ABCA13: variants seen among roughly 807,000 people sequenced by gnomAD.
ABCA13 encodes ATP-binding cassette sub-family A member 13.
A neutral mutation model predicts 478.7 loss-of-function variants in ABCA13; 476 were observed. The observed-to-expected ratio is 0.99, with a 90% CI of 0.92 to 1.07. The LOEUF (loss-of-function observed/expected upper bound fraction) is 1.07. Ranked by LOEUF, ABCA13 falls within the 50% of genes least tolerant of loss-of-function variation. The pLI, the probability that ABCA13 is intolerant of heterozygous loss-of-function variation, is 0.00. For missense variants in ABCA13, 6,060 were observed against 5,910.6 expected (o/e 1.03, Z -0.83); for synonymous variants, 2,252 against 2,158.9 (o/e 1.04, Z -1.20).
intron 23 of ABCA13, among the ~76,000 whole-genome samples, chr7:48,302,503 C>T (rs190882005): frequency 0.011 from 1,623 of 152,212 alleles, 32 homozygotes; most frequent in Non-Finnish European, 9.8e-3. Context: ...TTCCAACCTC[C>T]ACCCTCAAAT....
At chr7:48,302,329 C>T (rs960728680) in intron 23 of ABCA13, among the ~76,000 whole-genome samples, 1 of 152,092 alleles carries the variant, frequency 6.6e-6, no homozygotes, top group Non-Finnish European at 1.5e-5. Flanking sequence ...AATATTTTTT[C>T]CTTTTTATTT....
chr7:48,319,743 G>C (rs1050329619), intron 27 of ABCA13, among the ~76,000 whole-genome samples: 2 of 152,154 alleles, frequency 1.3e-5, no homozygotes, highest in African/African-American at 4.8e-5. Flanking sequence ...TGGAAGGCTG[G>C]ATTTTGGTCC....
rs115124215 is a variant in ABCA13 at position 48,412,378 on chromosome 7, T to C, written c.12254T>C (p.Leu4085Pro). 1,436 of 1,613,448 alleles carry C rather than the reference T, an allele frequency of 8.9e-4. 12 individuals are homozygous for C. In the African/African-American group the frequency reaches 0.016, roughly 18 times the overall value. Residue 4085 changes from leucine (L) to proline (P), a missense_variant, in exon 41 of 62, where the codon CTG (leucine) becomes CCG (proline). Around this residue, in one of 3 missense-constraint regions of ABCA13, gnomAD observed 1,627 missense variants for 1,571.0 expected, o/e 1.04. Transcript: ENST00000435803. ...CCTTCTGTTCTGGAGGCCCATGATC[T>C]GAAAGACATGGCTTGTGTTACATCC... Reference protein sequence around the residue: ...RQPSVLEAHDLKDMACVTSLI... With the variant: ...RQPSVLEAHDPKDMACVTSLI...
chr7:48,407,391 A>T (rs1024023219), intron 39 of ABCA13, among the ~76,000 whole-genome samples: 4 of 151,196 alleles, frequency 2.6e-5, no homozygotes, highest in Admixed American at 2.6e-4. Flanking sequence ...CATGAGAATC[A>T]CTTGAACCCA....
At chr7:48,592,703 T>C (rs777991957) in intron 57 of ABCA13, among the ~76,000 whole-genome samples, 1 of 151,996 alleles carries the variant, frequency 6.6e-6, no homozygotes, top group Non-Finnish European at 1.5e-5. Context: ...ATTGTACTTA[T>C]GTCTTTTACT....
chr7:48,626,718 C>A (rs1793702207), intron 59 of ABCA13: 1 of 985,416 alleles, frequency 1.0e-6, no homozygotes, highest in Non-Finnish European at 1.2e-6. Context: ...CTGATCTGAG[C>A]TTGAGAAAAG....
chr7:48,396,845 G>A (rs1181603561), intron 38 of ABCA13, among the ~76,000 whole-genome samples: 2 of 152,182 alleles, frequency 1.3e-5, no homozygotes, highest in Non-Finnish European at 2.9e-5. Context: ...GGTGCATTGT[G>A]GAACCTGCCT....
chr7:48,518,370 A>G (rs1270323938), intron 52 of ABCA13, among the ~76,000 whole-genome samples: 1 of 152,220 alleles, frequency 6.6e-6, no homozygotes, highest in African/African-American at 2.4e-5. Flanking sequence ...GTGGAGTCAC[A>G]GAAGTGAGAT....
intron 47 of ABCA13, among the ~76,000 whole-genome samples, 179 bp from the exon 48 acceptor site, chr7:48,489,057 A>T (rs1829603930): frequency 6.6e-6 from 1 of 152,214 alleles, no homozygotes; most frequent in Non-Finnish European, 1.5e-5. Flanking sequence ...GATAAATATA[A>T]AATTAGCAGA....
At chr7:48,234,665 AC>A (rs900658028) in intron 8 of ABCA13, among the ~76,000 whole-genome samples, 29 of 152,166 alleles carry the variant, frequency 1.9e-4, no homozygotes, top group African/African-American at 6.8e-4. Context: ...GATCCCCAAG[AC>A]CCAGTTCACT....
intron 42 of ABCA13, among the ~76,000 whole-genome samples, chr7:48,451,088 C>A (rs2129183808): frequency 6.6e-6 from 1 of 151,190 alleles, no homozygotes; most frequent in Non-Finnish European, 1.5e-5. Context: ...ACCTCCGCCT[C>A]CCTGTTTCAA....
chr7:48,394,649 G>A (rs551482149), intron 38 of ABCA13, among the ~76,000 whole-genome samples: 1 of 152,040 alleles, frequency 6.6e-6, no homozygotes, highest in Non-Finnish European at 1.5e-5. Flanking sequence ...AGTATAATAA[G>A]CATTCTTTGA....
intron 3 of ABCA13, among the ~76,000 whole-genome samples, chr7:48,210,825 T>C (rs1212441450): frequency 6.6e-6 from 1 of 152,180 alleles, no homozygotes; most frequent in East Asian, 1.9e-4. Flanking sequence ...AGCTGTTGGA[T>C]GGAATGTTCT....
intron 43 of ABCA13, among the ~76,000 whole-genome samples, chr7:48,461,236 A>G (rs536011400): frequency 1.2e-4 from 18 of 152,318 alleles, no homozygotes; most frequent in Admixed American, 9.1e-4. Context: ...TTCTGGCAGA[A>G]TAACATACAA....
Position 48,466,968 on chromosome 7 carries a change from C to T in ABCA13, c.12828C>T (p.Asp4276=), listed in dbSNP as rs377490731. ...AETYFFSSGG[D]NLDLTRVLLR... ...CAATGAACAGCAGCAGTGGGGGCGA[C>T]AACTTGGACCTCACCCGTGTGCTTC... is the stretch of plus-strand genomic sequence containing the variant. Residue 4276 remains aspartate (D), a synonymous_variant, in exon 44 of 62, where the codon GAC becomes GAT. Coordinates refer to ENST00000435803, the MANE Select transcript of ABCA13 (RefSeq NM_152701.5). 7.4e-6 allele frequency: 12 copies of T among 1,613,816 alleles called. No individual in the cohort carries two copies. The highest frequency in any genetic ancestry group is 9.3e-6 in the Non-Finnish European group (11 of 1,179,878).
At chr7:48,241,113 G>T in intron 10 of ABCA13, 47 bp downstream of exon 10, 1 of 1,598,052 alleles carries the variant, frequency 6.3e-7, no homozygotes, top group Non-Finnish European at 8.6e-7. Context: ...AGATGACACA[G>T]AATGTTAAAG....
chr7:48,457,054 G>A (rs1359085585), intron 43 of ABCA13, among the ~76,000 whole-genome samples: 1 of 151,896 alleles, frequency 6.6e-6, no homozygotes, highest in African/African-American at 2.4e-5. Flanking sequence ...GCTAGCTACT[G>A]TTCTAGGTGG....
intron 57 of ABCA13, among the ~76,000 whole-genome samples, chr7:48,593,628 T>G (rs1789985705): frequency 6.6e-6 from 1 of 152,126 alleles, no homozygotes; most frequent in Admixed American, 6.5e-5. Flanking sequence ...ATGTTGCTAA[T>G]TAGAATCCTT....
chr7:48,571,505 T>C (rs895391374), intron 55 of ABCA13, among the ~76,000 whole-genome samples: 1 of 151,960 alleles, frequency 6.6e-6, no homozygotes, highest in South Asian at 2.1e-4. Context: ...TCTTTTAACC[T>C]TTTGACACTT....
Sources: allele counts gnomAD v4.1 joint callset (sites outside exome capture counted in the v4.1 genomes callset), GRCh38; gene constraint gnomAD v4.1.1; regional missense constraint gnomAD v4.1.1; transcripts MANE v1.5; gene names NCBI Gene and HGNC (gene_info 2026-07-23, HGNC 2026-07-21).